The following KCNH7 variants were observed in gnomAD, a reference collection of about 807,000 sequenced individuals.
KCNH7 encodes the protein potassium voltage-gated channel subfamily H member 7.
A neutral mutation model predicts 120.8 loss-of-function variants in KCNH7; 49 were observed. The observed-to-expected ratio is 0.41, with a 90% CI of 0.32 to 0.51. KCNH7 has a LOEUF of 0.51. KCNH7 is among the 20% of genes least tolerant of loss of function. The probability of loss-of-function intolerance (pLI) is 0.38; values close to 1 mark genes in which losing one functional copy is unlikely to be tolerated. For synonymous variants in KCNH7, 547 were observed against 516.1 expected (o/e 1.06, Z -0.81); for missense variants, 1,097 against 1,446.6 (o/e 0.76, Z 3.92).
intron 2 of KCNH7, among the ~76,000 whole-genome samples, chr2:162,792,951 A>T (rs1684008819): frequency 6.6e-6 from 1 of 151,466 alleles, no homozygotes; most frequent in African/African-American, 2.4e-5. Context: ...TTGATATGGG[A>T]ATTTAATCTT....
chr2:162,629,417 A>G (rs1041891946), intron 2 of KCNH7, among the ~76,000 whole-genome samples: 2 of 152,060 alleles, frequency 1.3e-5, no homozygotes, highest in South Asian at 4.1e-4. Context: ...ATGAGGCAGG[A>G]TATAGAGGAA....
chr2:162,815,263 T>C (rs146385614), intron 2 of KCNH7, among the ~76,000 whole-genome samples: 83 of 152,280 alleles, frequency 5.5e-4, no homozygotes, highest in Admixed American at 2.2e-3. Flanking sequence ...TAGCCTTCTA[T>C]TGAAACTAGG....
intron 6 of KCNH7, among the ~76,000 whole-genome samples, chr2:162,479,662 T>TGTGTGTGC (rs1403554321): frequency 2.8e-5 from 4 of 142,422 alleles, no homozygotes; most frequent in African/African-American, 1.1e-4. Context: ...GGAAATTGTG[T>TGTGTGTGC]GTGTGTGTGC....
intron 2 of KCNH7, among the ~76,000 whole-genome samples, chr2:162,654,896 C>T (rs755940288): frequency 3.3e-5 from 5 of 152,102 alleles, no homozygotes; most frequent in Non-Finnish European, 7.4e-5. Flanking sequence ...ACAAGTATTA[C>T]ATGGTCTCAA....
chr2:162,567,401 G>A lies in KCNH7; in HGVS notation c.308-30321C>T, dbSNP rs565472151. ...AATTGGGGGTTGGAGTTGAGTAAAAGTGAGAATAGCGGATGTTACCACTAT... is the reference window on the plus strand; with the variant it reads ...AATTGGGGGTTGGAGTTGAGTAAAAATGAGAATAGCGGATGTTACCACTAT... On this transcript the variant is annotated intron_variant, in intron 2 of 15. Transcript: ENST00000332142. Among the ~76,000 whole-genome samples, 5 of 152,092 alleles carry A rather than the reference G, an allele frequency of 3.3e-5. No individual in the cohort carries two copies. The East Asian group carries it at 9.7e-4, about 30-fold the overall frequency.
intron 2 of KCNH7, among the ~76,000 whole-genome samples, chr2:162,600,803 A>G (rs1694526241): frequency 6.6e-6 from 1 of 151,998 alleles, no homozygotes; most frequent in Non-Finnish European, 1.5e-5. Context: ...GTAAAATGGA[A>G]ATTTGCCTAG....
chr2:162,722,811 TTC>T (rs1411211840), intron 2 of KCNH7, among the ~76,000 whole-genome samples: 3 of 139,228 alleles, frequency 2.2e-5, no homozygotes, highest in Non-Finnish European at 4.6e-5. Flanking sequence ...CATTCTTTTT[TTC>T]TTTTTTTTTT....
chr2:162,462,324 G>A (rs888264407), intron 6 of KCNH7, among the ~76,000 whole-genome samples: 1 of 152,074 alleles, frequency 6.6e-6, no homozygotes, highest in African/African-American at 2.4e-5. Context: ...AACTCCAGAA[G>A]TTATTTAAAG....
chr2:162,655,666 G>A (rs1038952884), intron 2 of KCNH7, among the ~76,000 whole-genome samples: 16 of 152,100 alleles, frequency 1.1e-4, no homozygotes, highest in African/African-American at 2.9e-4. Context: ...GGTGGCGCGC[G>A]CTTGTAGTCC....
intron 2 of KCNH7, among the ~76,000 whole-genome samples, chr2:162,639,499 A>T (rs545112018): frequency 1.1e-4 from 16 of 152,174 alleles, no homozygotes; most frequent in African/African-American, 2.9e-4. Flanking sequence ...CCCAAAGCTC[A>T]TGCATACAAG....
At chr2:162,684,410 G>T (rs943897725) in intron 2 of KCNH7, among the ~76,000 whole-genome samples, 3 of 151,998 alleles carry the variant, frequency 2.0e-5, no homozygotes, top group African/African-American at 4.8e-5. Context: ...GAGTGAACAG[G>T]CAACCTACGG....
intron 2 of KCNH7, among the ~76,000 whole-genome samples, chr2:162,692,900 G>T (rs565787518): frequency 1.3e-5 from 2 of 152,088 alleles, no homozygotes; most frequent in Non-Finnish European, 2.9e-5. Flanking sequence ...GAGAGACACA[G>T]AAGTTAATGC....
chr2:162,395,119 G>T (rs1422553591), intron 11 of KCNH7, among the ~76,000 whole-genome samples: 1 of 151,588 alleles, frequency 6.6e-6, no homozygotes, highest in Admixed American at 6.6e-5. Flanking sequence ...TGTGTTCATT[G>T]ACTGATTACA....
chr2:162,519,708 C>T (rs1328957883), intron 3 of KCNH7, among the ~76,000 whole-genome samples: 5 of 151,728 alleles, frequency 3.3e-5, no homozygotes, highest in African/African-American at 4.8e-5. Flanking sequence ...TTTTATTGTT[C>T]CCACAGTAGT....
intron 2 of KCNH7, among the ~76,000 whole-genome samples, chr2:162,652,387 C>G (rs113044418): frequency 6.6e-6 from 1 of 151,790 alleles, no homozygotes; most frequent in East Asian, 1.9e-4. Context: ...TTTTTGCCAC[C>G]AGGGACCAGT....
intron 2 of KCNH7, among the ~76,000 whole-genome samples, chr2:162,633,956 C>T (rs1216597354): frequency 3.3e-5 from 5 of 151,946 alleles, no homozygotes; most frequent in African/African-American, 9.7e-5. Flanking sequence ...TATTGAATAA[C>T]TTATATAAGT....
At chr2:162,478,252 T>A (rs1689812738) in intron 6 of KCNH7, among the ~76,000 whole-genome samples, 1 of 152,118 alleles carries the variant, frequency 6.6e-6, no homozygotes, top group Non-Finnish European at 1.5e-5. Context: ...CTATGTCCAT[T>A]TTCCATTGCC....
At chr2:162,568,642 T>A (rs1693345042) in intron 2 of KCNH7, among the ~76,000 whole-genome samples, 1 of 151,950 alleles carries the variant, frequency 6.6e-6, no homozygotes, top group Non-Finnish European at 1.5e-5. Flanking sequence ...CAATGGTATT[T>A]ATGAATCAAA....
At chr2:162,476,741 T>C (rs1689761376) in intron 6 of KCNH7, among the ~76,000 whole-genome samples, 1 of 152,218 alleles carries the variant, frequency 6.6e-6, no homozygotes, top group African/African-American at 2.4e-5. Flanking sequence ...GAAAACATCA[T>C]GTGTCATTCC....
Sources: allele counts gnomAD v4.1 joint callset (sites outside exome capture counted in the v4.1 genomes callset), GRCh38; gene constraint gnomAD v4.1.1; transcripts MANE v1.5; gene names NCBI Gene and HGNC (gene_info 2026-07-23, HGNC 2026-07-21).